The following KLHDC1 variants were observed in gnomAD, a reference collection of about 807,000 sequenced individuals.
The protein encoded by KLHDC1 is kelch domain containing 1, also known as kelch domain-containing protein 1.
A neutral mutation model predicts 68.3 loss-of-function variants in KLHDC1; 53 were observed. The observed-to-expected ratio is 0.78, with a 90% CI of 0.62 to 0.98. KLHDC1 has a LOEUF of 0.98. KLHDC1 is among the 50% of genes least tolerant of loss of function. KLHDC1 has a pLI of 0.00. For synonymous variants in KLHDC1, 148 were observed against 159.0 expected (o/e 0.93, Z 0.52); for missense variants, 470 against 492.3 (o/e 0.95, Z 0.43).
chr14:49,711,910 CTTTT>C (rs992092493), intron 4 of KLHDC1, among the ~76,000 whole-genome samples: 24 of 76,602 alleles, frequency 3.1e-4, no homozygotes, highest in Non-Finnish European at 5.3e-4. Context: ...TTTTCTTTTT[CTTTT>C]TTTTTTTTTT....
rs1888289951 is a variant in KLHDC1 at position 49,713,835 on chromosome 14, TATATATATATATA to T, written c.404+3455_404+3467del. Among the ~76,000 whole-genome samples the T allele has an allele frequency of 2.9e-3, 29 of 9,856 alleles. 4 individuals are homozygous for T. Among genetic ancestry groups the T allele is most frequent in the South Asian group, 0.012 (2 of 166 alleles). 6.5% of individuals were successfully genotyped at this position (9,856 alleles called of 152,430 possible). ...ATATATATATATATATATATATATATATATATATATATATATTTTTTTTTTTTTTTTTCCTGAG... is the reference window on the plus strand; with the variant it reads ...ATATATATATATATATATATATATATTATTTTTTTTTTTTTTTTTCCTGAG... On this transcript the variant is annotated intron_variant, in intron 4 of 12. Transcript: ENST00000359332.
At chr14:49,698,084 T>C (rs183440696) in intron 1 of KLHDC1, among the ~76,000 whole-genome samples, 170 of 152,370 alleles carry the variant, frequency 1.1e-3, no homozygotes, top group African/African-American at 3.9e-3. Flanking sequence ...TTGATTGTTT[T>C]GAGTTCTGCC....
At position 49,693,303 on chromosome 14, in the gene KLHDC1, G is replaced by A. The variant is rs759116455; in HGVS notation, c.96+13G>A. 6.0e-6 allele frequency: 9 copies of A among 1,512,450 alleles called. No individual in the cohort carries two copies. Among genetic ancestry groups the A allele is most frequent in the Non-Finnish European group, 8.0e-6 (9 of 1,127,736 alleles). 93.7% of individuals were successfully genotyped at this position (1,512,450 alleles called of 1,614,324 possible). A position where few individuals can be genotyped will look rare whatever the true frequency, so the allele number is the denominator to read the frequency against. On this transcript the variant is annotated intron_variant, in intron 1 of 12. Coordinates refer to ENST00000359332, the MANE Select transcript of KLHDC1 (RefSeq NM_172193.3). ...GGGGGGCTACGTGGTAAGGGGAAGA[G>A]GCGGGACGGGGTAGACTCGCGCCGG...
intron 4 of KLHDC1, among the ~76,000 whole-genome samples, chr14:49,719,198 C>T (rs530702597): frequency 5.9e-4 from 90 of 152,092 alleles, no homozygotes; most frequent in Non-Finnish European, 9.4e-4. Flanking sequence ...TTAACTTGTA[C>T]AGTTATGTTA....
chr14:49,694,746 C>A (rs1275170328), intron 1 of KLHDC1, among the ~76,000 whole-genome samples: 1 of 151,926 alleles, frequency 6.6e-6, no homozygotes, highest in Non-Finnish European at 1.5e-5. Flanking sequence ...CCCAGCTACT[C>A]GGGAGGCTGA....
chr14:49,733,102 C>G (rs952664673), intron 9 of KLHDC1, among the ~76,000 whole-genome samples: 24 of 152,102 alleles, frequency 1.6e-4, no homozygotes, highest in African/African-American at 5.6e-4. Context: ...GATTTTTGAT[C>G]CAGATGCTTG....
Position 49,740,135 on chromosome 14 carries a change from A to G in KLHDC1, c.934A>G (p.Ile312Val), listed in dbSNP as rs756106364. The change falls in exon 11 of 13, where the codon ATA (isoleucine) becomes GTA (valine). Residue 312 changes from isoleucine (I) to valine (V), a missense_variant. Ile to Val is a conservative substitution (Grantham distance 29). Coordinates refer to ENST00000359332, the MANE Select transcript of KLHDC1 (RefSeq NM_172193.3). ...HTACLGKENE[I>V]MVFGGSKDDL... ...AGCCTGTTTGGGAAAAGAAAATGAA[A>G]TAATGGTATTTGGTGGGAGCAAAGA... is the stretch of plus-strand genomic sequence containing the variant. The G allele has an allele frequency of 6.2e-7, 1 of 1,612,242 alleles. No individual in the cohort carries two copies. The highest frequency in any genetic ancestry group is 2.2e-5 in the East Asian group (1 of 44,820).
intron 12 of KLHDC1, among the ~76,000 whole-genome samples, chr14:49,748,652 T>G (rs1889252771): frequency 6.6e-6 from 1 of 151,930 alleles, no homozygotes; most frequent in Non-Finnish European, 1.5e-5. Flanking sequence ...AAAAGATGTA[T>G]TTACCAAGAA....
intron 1 of KLHDC1, chr14:49,708,849 G>T: frequency 5.9e-6 from 1 of 170,932 alleles, no homozygotes. Flanking sequence ...TTAATATTCT[G>T]CTCTAAATCT....
At chr14:49,705,045 A>G (rs1044977559) in intron 1 of KLHDC1, among the ~76,000 whole-genome samples, 4 of 152,254 alleles carry the variant, frequency 2.6e-5, no homozygotes, top group Admixed American at 1.3e-4. Context: ...GGACCTTAAT[A>G]CTTTAAGCTA....
rs181280246 is a variant in KLHDC1, at chr14:49,707,085, A to G, written c.97-2074A>G. Among the ~76,000 whole-genome samples the G allele has an allele frequency of 4.9e-4, 74 of 152,050 alleles. 1 individual carries two copies. The highest frequency in any genetic ancestry group is 1.7e-3 in the African/African-American group (71 of 41,402). The stretch of plus-strand genomic sequence containing the variant: ...GACCAATGTCCTGGTGAGTTTCCCC[A>G]TGTTTTCTTGTAGTTGTTTTATAGT... On this transcript the variant is annotated intron_variant, in intron 1 of 12. Coordinates refer to ENST00000359332, the MANE Select transcript of KLHDC1 (RefSeq NM_172193.3).
intron 12 of KLHDC1, among the ~76,000 whole-genome samples, chr14:49,746,555 G>A (rs1202866116): frequency 6.6e-6 from 1 of 152,226 alleles, no homozygotes; most frequent in Non-Finnish European, 1.5e-5. Context: ...GAAAAGCACT[G>A]TGGATAGTAC....
chr14:49,718,469 C>T (rs1407566314), intron 4 of KLHDC1, among the ~76,000 whole-genome samples: 2 of 151,410 alleles, frequency 1.3e-5, no homozygotes, highest in Non-Finnish European at 2.9e-5. Flanking sequence ...CTTTTAGAGA[C>T]AAGGTTTCAC....
At chr14:49,699,161 C>CA (rs34856234) in intron 1 of KLHDC1, among the ~76,000 whole-genome samples, 28,282 of 107,612 alleles carry the variant, frequency 0.26, 3,594 homozygotes, top group Admixed American at 0.34. Context: ...AAGACTGTCT[C>CA]AAAAAAAAAA....
At chr14:49,715,410 C>T (rs181467330) in intron 4 of KLHDC1, among the ~76,000 whole-genome samples, 56 of 151,438 alleles carry the variant, frequency 3.7e-4, no homozygotes, top group Non-Finnish European at 7.2e-4. Flanking sequence ...TGTGAGCCAC[C>T]GTGCCCGGCC....
At chr14:49,732,365 G>C (rs1016672563) in intron 8 of KLHDC1, among the ~76,000 whole-genome samples, 2 of 152,006 alleles carry the variant, frequency 1.3e-5, no homozygotes, top group Non-Finnish European at 2.9e-5. Context: ...TAGAGATGGG[G>C]TTTCACCATG....
At chr14:49,726,807 T>G (rs1233633981) in intron 6 of KLHDC1, among the ~76,000 whole-genome samples, 1 of 152,240 alleles carries the variant, frequency 6.6e-6, no homozygotes, top group Non-Finnish European at 1.5e-5. Flanking sequence ...ATACTTTCTG[T>G]CTTTCTGTCT....
intron 4 of KLHDC1, among the ~76,000 whole-genome samples, chr14:49,715,950 T>C (rs1888366107): frequency 6.6e-6 from 1 of 152,052 alleles, no homozygotes; most frequent in South Asian, 2.1e-4. Context: ...GTTTCTGATA[T>C]AAATCTTACA....
chr14:49,732,675 C>A, intron 8 of KLHDC1, 29 bp from the exon 9 acceptor site: 2 of 1,137,548 alleles, frequency 1.8e-6, no homozygotes, highest in Non-Finnish European at 2.6e-6. Flanking sequence ...TAATATAGTA[C>A]CTAGACTTTC....
Sources: allele counts gnomAD v4.1 joint callset (sites outside exome capture counted in the v4.1 genomes callset), GRCh38; gene constraint gnomAD v4.1.1; transcripts MANE v1.5; gene names NCBI Gene and HGNC (gene_info 2026-07-23, HGNC 2026-07-21).